The following LAMA2 variants were observed in gnomAD, a reference collection of about 807,000 sequenced individuals.
The protein encoded by LAMA2 is laminin subunit alpha-2.
Under a neutral mutation model 364.8 loss-of-function variants are expected in LAMA2, and 269 were observed. The ratio of observed to expected loss-of-function variants is 0.74; its 90% CI spans 0.67 to 0.82. The LOEUF is 0.82. Ranked by LOEUF, LAMA2 falls within the 40% of genes least tolerant of loss-of-function variation. The probability of loss-of-function intolerance (pLI) is 0.00; values close to 1 mark genes in which losing one functional copy is unlikely to be tolerated. For synonymous variants in LAMA2, 1,379 were observed against 1,370.6 expected (o/e 1.01, Z -0.14); for missense variants, 3,807 against 3,873.2 (o/e 0.98, Z 0.45).
intron 1 of LAMA2, among the ~76,000 whole-genome samples, chr6:129,033,798 C>T (rs1786407202): frequency 6.6e-6 from 1 of 152,002 alleles, no homozygotes; most frequent in Non-Finnish European, 1.5e-5. Context: ...TTGGAAGAAG[C>T]TTGGAAGCAG....
intron 35 of LAMA2, among the ~76,000 whole-genome samples, chr6:129,388,829 G>A (rs1779167989): frequency 1.3e-5 from 2 of 152,120 alleles, no homozygotes; most frequent in South Asian, 4.2e-4. Context: ...GCTACAATTG[G>A]TTAAAGTCAG....
intron 35 of LAMA2, 48 bp from the exon 36 acceptor site, chr6:129,391,443 G>A (rs1157458660): frequency 6.8e-7 from 1 of 1,460,250 alleles, no homozygotes; most frequent in Non-Finnish European, 9.6e-7. Context: ...ATGTTTTCAT[G>A]TGGCATGTTT....
intron 1 of LAMA2, among the ~76,000 whole-genome samples, chr6:128,911,076 A>C (rs1372058467): frequency 2.0e-5 from 3 of 152,038 alleles, no homozygotes; most frequent in African/African-American, 7.3e-5. Flanking sequence ...TGCAGAGGTT[A>C]CTGCTGTCTT....
chr6:129,148,317 C>T (rs1778595008), intron 6 of LAMA2, among the ~76,000 whole-genome samples: 1 of 152,034 alleles, frequency 6.6e-6, no homozygotes, highest in African/African-American at 2.4e-5. Flanking sequence ...AACACATGGA[C>T]TCAAGGAGGG....
chr6:129,488,826 C>G (rs544852656), intron 56 of LAMA2, among the ~76,000 whole-genome samples: 1 of 152,188 alleles, frequency 6.6e-6, no homozygotes, highest in South Asian at 2.1e-4. Context: ...AGAACTTCAC[C>G]CAGAAAAAAT....
At chr6:129,232,668 G>A (rs1784742751) in intron 12 of LAMA2, among the ~76,000 whole-genome samples, 1 of 152,050 alleles carries the variant, frequency 6.6e-6, no homozygotes, top group African/African-American at 2.4e-5. Flanking sequence ...CCTCCTCCAA[G>A]ATACCCATAG....
intron 4 of LAMA2, among the ~76,000 whole-genome samples, chr6:129,125,270 TG>T (rs1777045399): frequency 6.6e-6 from 1 of 152,184 alleles, no homozygotes; most frequent in African/African-American, 2.4e-5. Flanking sequence ...TAACTGAAAA[TG>T]TCTATTAGAC....
rs1481205213 is a variant in LAMA2, at chr6:129,226,846, TTC to T, written c.1783-23262_1783-23261del. ...CTTCTCGAGGAGTATCTTTGTGGCA[TTC>T]TCTGTGTTTCCTGAATTTGAATGTT... On this transcript the variant is annotated intron_variant, in intron 12 of 64. Coordinates refer to ENST00000421865, the MANE Select transcript of LAMA2 (RefSeq NM_000426.4). Among the ~76,000 whole-genome samples, 3 of 152,196 alleles carry T rather than the reference TTC, an allele frequency of 2.0e-5. 1 individual carries two copies. The highest frequency in any genetic ancestry group is 2.0e-4 in the Admixed American group (3 of 15,282).
intron 12 of LAMA2, among the ~76,000 whole-genome samples, chr6:129,248,102 G>C (rs1785900879): frequency 6.6e-6 from 1 of 152,116 alleles, no homozygotes; most frequent in Non-Finnish European, 1.5e-5. Flanking sequence ...GATCAGCGGT[G>C]GTATTAGATT....
chr6:128,991,108 G>T (rs1167216082), intron 1 of LAMA2, among the ~76,000 whole-genome samples: 1 of 151,962 alleles, frequency 6.6e-6, no homozygotes, highest in Non-Finnish European at 1.5e-5. Context: ...GGAATTTAGG[G>T]TATTGCACAA....
chr6:129,479,033 G>A lies in LAMA2; in HGVS notation c.7572+220G>A, dbSNP rs182245805. On this transcript the variant is annotated intron_variant, in intron 54 of 64. Coordinates refer to ENST00000421865, the MANE Select transcript of LAMA2 (RefSeq NM_000426.4). ...TGTGATCCAATTTTCCAAATGTATA[G>A]CTCTTTATAGCACATATCATTAATA... Among the ~76,000 whole-genome samples, 62 of 152,184 alleles carry A rather than the reference G, an allele frequency of 4.1e-4. 3 individuals carry two copies. Among genetic ancestry groups the A allele is most frequent in the African/African-American group, 1.5e-3 (61 of 41,540 alleles).
At chr6:129,078,741 A>G (rs1204561569) in intron 3 of LAMA2, among the ~76,000 whole-genome samples, 1 of 152,102 alleles carries the variant, frequency 6.6e-6, no homozygotes, top group Non-Finnish European at 1.5e-5. Flanking sequence ...TCAGCTCTAC[A>G]ATGCTTTTCA....
intron 12 of LAMA2, among the ~76,000 whole-genome samples, chr6:129,207,932 C>T (rs953881549): frequency 2.1e-4 from 32 of 152,158 alleles, no homozygotes; most frequent in African/African-American, 7.5e-4. Flanking sequence ...TGGTTGATTT[C>T]AAGGCAAATC....
chr6:129,398,693 C>T (rs1414074614), intron 37 of LAMA2, among the ~76,000 whole-genome samples: 6 of 151,916 alleles, frequency 3.9e-5, no homozygotes, highest in Non-Finnish European at 7.4e-5. Context: ...AGGCTGGTCT[C>T]GGACTCCTGA....
chr6:129,352,895 C>CATTATTATT (rs112598431), intron 31 of LAMA2, among the ~76,000 whole-genome samples: 4 of 151,366 alleles, frequency 2.6e-5, no homozygotes, highest in African/African-American at 9.7e-5. Flanking sequence ...AGTAATTTAA[C>CATTATTATT]ATTATTATTA....
At chr6:129,259,399 C>T (rs549656598) in intron 14 of LAMA2, among the ~76,000 whole-genome samples, 4 of 152,064 alleles carry the variant, frequency 2.6e-5, no homozygotes, top group South Asian at 2.1e-4. Flanking sequence ...CAGGCCATAG[C>T]GAGAATCAGT....
At chr6:129,027,368 A>G (rs1785897234) in intron 1 of LAMA2, among the ~76,000 whole-genome samples, 1 of 152,052 alleles carries the variant, frequency 6.6e-6, no homozygotes, top group African/African-American at 2.4e-5. Flanking sequence ...TAATATGTGG[A>G]GGTACACATA....
Position 128,925,817 on chromosome 6 carries a change from AT to A in LAMA2, c.112+42469del, listed in dbSNP as rs550034051. Among the ~76,000 whole-genome samples the A allele has an allele frequency of 2.4e-4, 36 of 150,608 alleles. 1 individual carries two copies. Among genetic ancestry groups the A allele is most frequent in the African/African-American group, 6.1e-4 (25 of 41,052 alleles). On this transcript the variant is annotated intron_variant, in intron 1 of 64. Coordinates refer to ENST00000421865, the MANE Select transcript of LAMA2 (RefSeq NM_000426.4). ...CAATATATGGTTTATTCTTTGATTC[AT>A]TTTTTTTTCACATAAATGCTATCTT...
rs141911213 is a variant in LAMA2 at position 129,401,336 on chromosome 6, T to G, written c.5558T>G (p.Ile1853Arg). 260 of 1,556,158 alleles carry G rather than the reference T, an allele frequency of 1.7e-4. No homozygotes were observed. Among genetic ancestry groups the G allele is most frequent in the Admixed American group, 3.0e-4 (18 of 59,944 alleles). Residue 1853 changes from isoleucine (I) to arginine (R), a missense_variant, in exon 38 of 65, where the codon ATA becomes AGA. Ile to Arg is a moderately conservative substitution (Grantham distance 97, BLOSUM62 -3). This residue lies in a region of LAMA2 where 3,333 missense variants were observed against 3,345.7 expected (regional missense o/e 1.00). Transcript: ENST00000421865. ...CTTGCAGATGAAATCAACTCCATCA[T>G]AGACGTGAGTATTGGGTAAAACTCA... ...NRLADEINSIIDYVEDIQTKL... is the reference protein window; with the variant it reads ...NRLADEINSIRDYVEDIQTKL...
Sources: gnomAD v4.1 joint callset for allele counts (sites outside exome capture counted in the v4.1 genomes callset) on GRCh38, gnomAD v4.1.1 for gene constraint, gnomAD v4.1.1 regional missense constraint, MANE v1.5 for transcripts, NCBI Gene and HGNC (gene_info 2026-07-23, HGNC 2026-07-21) for gene names.